The following MYO5B variants were observed in gnomAD, a reference collection of about 807,000 sequenced individuals.
MYO5B encodes myosin VB, also known as unconventional myosin-Vb.
Under a neutral mutation model 229.3 loss-of-function variants are expected in MYO5B, and 143 were observed. That is an observed-to-expected ratio of 0.62 (90% CI 0.54 to 0.72). The LOEUF (loss-of-function observed/expected upper bound fraction) is 0.72, where lower values mean the gene tolerates loss of function less well. Among genes scored for constraint, MYO5B ranks in the 30% least tolerant of loss-of-function variants. MYO5B has a pLI of 0.00. For missense variants in MYO5B, 2,321 were observed against 2,331.0 expected, an observed-to-expected ratio of 1.00 and a Z score of 0.09; for synonymous variants, 918 against 885.2, an observed-to-expected ratio of 1.04 and a Z score of -0.66.
chr18:50,033,012 C>T (rs1000285572), intron 4 of MYO5B, among the ~76,000 whole-genome samples: 2 of 151,976 alleles, frequency 1.3e-5, no homozygotes, highest in African/African-American at 4.8e-5. Context: ...GTTTTCATTT[C>T]TCTTGGGTGC....
chr18:50,003,476 A>G (rs569789758), intron 4 of MYO5B, among the ~76,000 whole-genome samples: 1 of 152,294 alleles, frequency 6.6e-6, no homozygotes, highest in African/African-American at 2.4e-5. Flanking sequence ...GGATGTTTGT[A>G]TCGCCTCTTC....
intron 31 of MYO5B, among the ~76,000 whole-genome samples, chr18:49,853,002 A>G (rs1248439759): frequency 3.9e-5 from 6 of 152,142 alleles, no homozygotes; most frequent in African/African-American, 1.4e-4. Context: ...CTGTCTGCAA[A>G]GAGGCCCCAA....
At position 49,884,400 on chromosome 18, in the gene MYO5B, T is replaced by C. The variant is rs541478017; in HGVS notation, c.3046-3945A>G. On this transcript the variant is annotated intron_variant, in intron 22 of 39. Transcript: ENST00000285039. The stretch of plus-strand genomic sequence containing the variant: ...ACATTGTAATATACAATTAAATCAT[T>C]ATACAACTCACCATAATGTAGAATC... Among the ~76,000 whole-genome samples, 16 of 152,140 alleles carry C rather than the reference T, an allele frequency of 1.1e-4. No homozygotes were observed. In the South Asian group the frequency reaches 3.1e-3, roughly 30 times the overall value.
intron 29 of MYO5B, among the ~76,000 whole-genome samples, chr18:49,858,379 C>A (rs568375771): frequency 6.6e-6 from 1 of 152,228 alleles, no homozygotes. Context: ...GGAAGTAGAG[C>A]GCATCAGCGC....
intron 28 of MYO5B, among the ~76,000 whole-genome samples, chr18:49,863,867 G>A (rs1253830745): frequency 6.6e-6 from 1 of 152,134 alleles, no homozygotes; most frequent in African/African-American, 2.4e-5. Flanking sequence ...AAACAGCAAG[G>A]GGTATAAGGT....
At chr18:50,188,812 A>ACACACACACACACACAC (rs1311740013) in intron 1 of MYO5B, among the ~76,000 whole-genome samples, 2 of 144,820 alleles carry the variant, frequency 1.4e-5, no homozygotes, top group African/African-American at 5.2e-5. Context: ...AAAAAAAAAA[A>ACACACACACACACACAC]AAAAACACAC....
chr18:49,990,572 T>C (rs773937436), intron 6 of MYO5B, 52 bp from the exon 7 acceptor site: 2 of 1,464,942 alleles, frequency 1.4e-6, no homozygotes, highest in Non-Finnish European at 1.9e-6. Flanking sequence ...CTAACATCGT[T>C]CCCTCTGCCA....
intron 2 of MYO5B, among the ~76,000 whole-genome samples, chr18:50,041,403 G>A (rs747627291): frequency 9.2e-5 from 14 of 152,178 alleles, no homozygotes; most frequent in Admixed American, 2.0e-4. Flanking sequence ...AGAGGGACTC[G>A]GTTATCAAAT....
intron 1 of MYO5B, among the ~76,000 whole-genome samples, chr18:50,119,747 A>G (rs1297013750): frequency 6.6e-6 from 1 of 152,174 alleles, no homozygotes; most frequent in African/African-American, 2.4e-5. Flanking sequence ...TTATCACTGA[A>G]CTACACTCCA....
At chr18:49,954,270 GA>G in intron 13 of MYO5B, 42 bp downstream of exon 13, 1 of 1,611,862 alleles carries the variant, frequency 6.2e-7, no homozygotes. Flanking sequence ...TCTACTTAGA[GA>G]GGGGCCAAGG....
chr18:49,836,941 A>G, intron 37 of MYO5B, 56 bp from the exon 38 acceptor site: 1 of 1,554,734 alleles, frequency 6.4e-7, no homozygotes, highest in Non-Finnish European at 8.8e-7. Context: ...ATTCACTGAG[A>G]AGGGGACACC....
chr18:49,878,832 T>G (rs2024554961), intron 24 of MYO5B, 113 bp downstream of exon 24: 4 of 1,296,168 alleles, frequency 3.1e-6, no homozygotes, highest in South Asian at 1.2e-5. Flanking sequence ...GCTGCACATA[T>G]GACACATGGA....
At chr18:49,951,183 C>T (rs2025427277) in intron 14 of MYO5B, among the ~76,000 whole-genome samples, 1 of 152,136 alleles carries the variant, frequency 6.6e-6, no homozygotes, top group Admixed American at 6.6e-5. Context: ...GAAGCTTGTG[C>T]CTGGTCTCCG....
At chr18:50,021,536 A>G (rs76979703) in intron 4 of MYO5B, among the ~76,000 whole-genome samples, 1,817 of 152,262 alleles carry the variant, frequency 0.012, 30 homozygotes, top group African/African-American at 0.042. Flanking sequence ...AGGTCTGAAA[A>G]TTAAAAGGCA....
At chr18:50,117,255 G>T (rs1168438374) in intron 1 of MYO5B, among the ~76,000 whole-genome samples, 1 of 151,862 alleles carries the variant, frequency 6.6e-6, no homozygotes, top group East Asian at 1.9e-4. Context: ...AGTCTAGAGA[G>T]GAAACTTCAA....
At chr18:49,841,850 A>C (rs956003362) in intron 34 of MYO5B, among the ~76,000 whole-genome samples, 1 of 152,218 alleles carries the variant, frequency 6.6e-6, no homozygotes, top group Non-Finnish European at 1.5e-5. Context: ...TATCCAACAC[A>C]AGGGATGCTG....
In MYO5B at chr18:50,055,377, C is replaced by A; in HGVS notation, c.29G>T (p.Cys10Phe). The A allele has an allele frequency of 6.2e-7, 1 of 1,612,218 alleles. No homozygotes were observed. MSVGELYSQ[C>F]TRVWIPDPDE... Reference sequence around the variant, plus strand: ...AGGGTCAGGGATCCAGACCCTTGTGCACTGAAAGATTAAAACAGAAGAAAC... The same window carrying A: ...AGGGTCAGGGATCCAGACCCTTGTGAACTGAAAGATTAAAACAGAAGAAAC... Residue 10 changes from cysteine to phenylalanine, a missense_variant and splice_region_variant, in exon 2 of 40, where the codon TGC (cysteine) becomes TTC (phenylalanine). Coordinates refer to ENST00000285039, the MANE Select transcript of MYO5B (RefSeq NM_001080467.3).
chr18:49,961,015 G>A (rs1401739834), intron 12 of MYO5B, among the ~76,000 whole-genome samples: 1 of 152,214 alleles, frequency 6.6e-6, no homozygotes. Context: ...TATGGAGCTG[G>A]AGGAGACGGT....
chr18:49,869,142 A>G (rs942447117), intron 27 of MYO5B, among the ~76,000 whole-genome samples: 2 of 152,134 alleles, frequency 1.3e-5, no homozygotes, highest in Non-Finnish European at 2.9e-5. Flanking sequence ...TAGAGTCTAT[A>G]ATTTTGGAGG....
Sources: gnomAD v4.1 joint callset for allele counts (sites outside exome capture counted in the v4.1 genomes callset) on GRCh38, gnomAD v4.1.1 for gene constraint, MANE v1.5 for transcripts, NCBI Gene and HGNC (gene_info 2026-07-23, HGNC 2026-07-21) for gene names.